The following PRKCA variants were observed in gnomAD, a reference collection of about 807,000 sequenced individuals.
The protein encoded by PRKCA is protein kinase C alpha type.
PRKCA carries 27 observed loss-of-function variants against 87.0 expected under a neutral mutation model. The observed-to-expected ratio is 0.31, with a 90% CI of 0.23 to 0.43. The LOEUF is 0.43. PRKCA is among the 20% of genes least tolerant of loss of function. PRKCA has a pLI of 1.00. For synonymous variants in PRKCA, 329 were observed against 311.1 expected (o/e 1.06, Z -0.61); for missense variants, 518 against 852.3 (o/e 0.61, Z 4.88).
chr17:66,532,024 G>A (rs561439744), intron 3 of PRKCA, among the ~76,000 whole-genome samples: 1 of 152,240 alleles, frequency 6.6e-6, no homozygotes, highest in South Asian at 2.1e-4. Context: ...ATTATTCAGC[G>A]CCTTTGCTGA....
chr17:66,605,025 C>T (rs981141007), intron 3 of PRKCA, among the ~76,000 whole-genome samples: 1 of 152,154 alleles, frequency 6.6e-6, no homozygotes, highest in Non-Finnish European at 1.5e-5. Context: ...TCCATGACCC[C>T]AAGGCTCCTT....
At chr17:66,544,169 A>G (rs956604533) in intron 3 of PRKCA, among the ~76,000 whole-genome samples, 1 of 152,178 alleles carries the variant, frequency 6.6e-6, no homozygotes, top group Non-Finnish European at 1.5e-5. Flanking sequence ...GACTGCAGTG[A>G]GCCAAGATCA....
intron 5 of PRKCA, among the ~76,000 whole-genome samples, chr17:66,680,837 G>T (rs1325701277): frequency 6.6e-6 from 1 of 152,230 alleles, no homozygotes; most frequent in Non-Finnish European, 1.5e-5. Flanking sequence ...AGGTTCAGCA[G>T]TGTTGCCACC....
chr17:66,777,338 G>A (rs1342890578), intron 14 of PRKCA: 21 of 985,286 alleles, frequency 2.1e-5, no homozygotes, highest in Middle Eastern at 5.2e-4. Flanking sequence ...AAGACATAAA[G>A]CTTTAGCCTG....
rs1309379769 is a variant in PRKCA, at chr17:66,688,970, G to A, written c.841G>A (p.Glu281Lys). ...TGAAAGGTACAAGTTGCTTAACCAA[G>A]AAGAAGGTGAGTACTACAACGTACC... is the stretch of plus-strand genomic sequence containing the variant. ...ASGWYKLLNQ[E>K]EGEYYNVPIP... The change falls in exon 8 of 17, where the codon GAA becomes AAA. Residue 281 changes from glutamate to lysine, a missense_variant. By Grantham distance (56) the Glu-to-Lys change is moderately conservative. This residue lies in a region of PRKCA where 300 missense variants were observed against 496.8 expected (regional missense o/e 0.60). Transcript: ENST00000413366. 6.2e-7 allele frequency: 1 copy of A among 1,605,978 alleles called. No individual in the cohort carries two copies. The highest frequency in any genetic ancestry group is 1.1e-5 in the South Asian group (1 of 89,846).
intron 2 of PRKCA, among the ~76,000 whole-genome samples, chr17:66,483,018 G>A (rs1324632063): frequency 7.1e-6 from 1 of 141,132 alleles, no homozygotes; most frequent in Non-Finnish European, 1.6e-5. Context: ...GGACTTAAAG[G>A]TACCCTCGGT....
chr17:66,393,321 A>G (rs1910471106), intron 2 of PRKCA, among the ~76,000 whole-genome samples: 1 of 152,116 alleles, frequency 6.6e-6, no homozygotes, highest in Non-Finnish European at 1.5e-5. Context: ...CCAGCTTCTG[A>G]TGATTTTGTT....
chr17:66,566,472 G>GTTGTTTTT (rs1968891899), intron 3 of PRKCA, among the ~76,000 whole-genome samples: 1 of 66,166 alleles, frequency 1.5e-5, no homozygotes, highest in African/African-American at 6.3e-5. Context: ...AACTGTTGTT[G>GTTGTTTTT]TTTTTTGGTT....
chr17:66,441,691 T>C (rs1204634712), intron 2 of PRKCA, among the ~76,000 whole-genome samples: 1 of 152,084 alleles, frequency 6.6e-6, no homozygotes, highest in East Asian at 1.9e-4. Flanking sequence ...TGCTGTGCGG[T>C]TTTTTCAACC....
chr17:66,401,890 CA>C (rs1395165161), intron 2 of PRKCA, among the ~76,000 whole-genome samples: 1 of 152,142 alleles, frequency 6.6e-6, no homozygotes, highest in Non-Finnish European at 1.5e-5. Context: ...GTAGAAGACA[CA>C]AATGGTGATG....
chr17:66,710,288 C>A lies in PRKCA; in HGVS notation c.918+21241C>A, dbSNP rs111775636. Among the ~76,000 whole-genome samples the A allele has an allele frequency of 4.7e-4, 72 of 152,152 alleles. 2 individuals carry two copies. Among genetic ancestry groups the A allele is most frequent in the Middle Eastern group, 3.4e-3 (1 of 294 alleles). On this transcript the variant is annotated intron_variant, in intron 8 of 16. Transcript: ENST00000413366. ...CCCTGGTGCTGTGTCTCGGGGTCAC[C>A]GTCTGTCTGCTGTGCCTGCCTGCAT...
intron 13 of PRKCA, among the ~76,000 whole-genome samples, chr17:66,770,015 G>A (rs1302705829): frequency 2.0e-5 from 3 of 152,188 alleles, no homozygotes; most frequent in East Asian, 1.9e-4. Context: ...TTCTGGATAA[G>A]CAGAGTTTCC....
intron 3 of PRKCA, among the ~76,000 whole-genome samples, chr17:66,508,772 T>C (rs1447090232): frequency 6.6e-6 from 1 of 152,214 alleles, no homozygotes; most frequent in Non-Finnish European, 1.5e-5. Flanking sequence ...GTGCTGTGAG[T>C]TGGTCTTACT....
At chr17:66,456,953 G>A (rs1190003889) in intron 2 of PRKCA, among the ~76,000 whole-genome samples, 1 of 152,184 alleles carries the variant, frequency 6.6e-6, no homozygotes, top group Non-Finnish European at 1.5e-5. Context: ...GCCAGTGGCT[G>A]CTGCTTCTTC....
At chr17:66,623,856 G>A (rs1055796377) in intron 3 of PRKCA, among the ~76,000 whole-genome samples, 10 of 152,072 alleles carry the variant, frequency 6.6e-5, no homozygotes, top group African/African-American at 2.4e-4. Flanking sequence ...GAAGAGCTGG[G>A]GTGCCTGGCT....
At chr17:66,715,963 C>T (rs1361732619) in intron 8 of PRKCA, among the ~76,000 whole-genome samples, 2 of 152,210 alleles carry the variant, frequency 1.3e-5, no homozygotes, top group Non-Finnish European at 2.9e-5. Context: ...CAGCAATCAA[C>T]TGTTGCCTGG....
At position 66,756,157 on chromosome 17, in the gene PRKCA, T is replaced by C. The variant is rs371761715; in HGVS notation, c.1524+13397T>C. On this transcript the variant is annotated intron_variant, in intron 13 of 16. Transcript: ENST00000413366. Reference sequence around the variant, plus strand: ...CTGGAGAAAAATCGCCTCATGCTTCTGGCAGGGAGAGGAGAAAAGTAATAA... The same window carrying C: ...CTGGAGAAAAATCGCCTCATGCTTCCGGCAGGGAGAGGAGAAAAGTAATAA... Among the ~76,000 whole-genome samples the C allele has an allele frequency of 2.6e-4, 40 of 152,342 alleles. 1 individual carries two copies. In the East Asian group the frequency reaches 5.4e-3, roughly 21 times the overall value.
At position 66,689,095 on chromosome 17, in the gene PRKCA, A is replaced by C. The variant is rs1598875398; in HGVS notation, c.918+48A>C. ...AAACACCTTTCCTTTAGAAAGCCCA[A>C]CTTCAGGAACGGCCGAGATGTTGTG... On this transcript the variant is annotated intron_variant, in intron 8 of 16. Transcript: ENST00000413366. The surrounding 1 kb of genome is among the most constrained non-coding windows in gnomAD (Gnocchi z 4.1). 3 of 1,243,260 alleles carry C rather than the reference A, an allele frequency of 2.4e-6. No individual in the cohort carries two copies. The highest frequency in any genetic ancestry group is 2.3e-5 in the Admixed American group (1 of 42,822). 77.0% of individuals were successfully genotyped at this position (1,243,260 alleles called of 1,614,324 possible).
chr17:66,587,863 A>G (rs533262073), intron 3 of PRKCA, among the ~76,000 whole-genome samples: 4,773 of 57,166 alleles, frequency 0.083, 592 homozygotes, highest in African/African-American at 0.28. Flanking sequence ...ACATATATAC[A>G]TATGTATGTG....
Sources: gnomAD v4.1 joint callset for allele counts (sites outside exome capture counted in the v4.1 genomes callset) on GRCh38, gnomAD v4.1.1 for gene constraint, gnomAD v4.1.1 regional missense constraint, Gnocchi (gnomAD v3.1) non-coding constraint, MANE v1.5 for transcripts, NCBI Gene and HGNC (gene_info 2026-07-23, HGNC 2026-07-21) for gene names.